Variants in GADL1 observed in about 807,000 individuals in gnomAD.
The protein encoded by GADL1 is GAD like acidic amino acid decarboxylase 1, also known as acidic amino acid decarboxylase GADL1.
Under a neutral mutation model 69.5 loss-of-function variants are expected in GADL1, and 71 were observed. The observed-to-expected ratio is 1.02, with a 90% confidence interval of 0.84 to 1.25. GADL1 has a LOEUF of 1.25. GADL1 is among the 50% of genes most tolerant of loss of function. The probability of loss-of-function intolerance (pLI) is 0.00; values close to 1 mark genes in which losing one functional copy is unlikely to be tolerated. For missense variants in GADL1, 737 were observed against 631.8 expected, an observed-to-expected ratio of 1.17 and a Z score of -1.79; for synonymous variants, 254 against 214.4, an observed-to-expected ratio of 1.18 and a Z score of -1.62.
intron 4 of GADL1, among the ~76,000 whole-genome samples, chr3:30,853,369 G>A (rs6799252): frequency 0.042 from 6,345 of 151,270 alleles, 424 homozygotes; most frequent in African/African-American, 0.14. Flanking sequence ...TGATTTTCAT[G>A]AATAGTCAGG....
intron 6 of GADL1, among the ~76,000 whole-genome samples, chr3:30,847,024 A>G (rs189672463): frequency 6.6e-6 from 1 of 152,208 alleles, no homozygotes; most frequent in Non-Finnish European, 1.5e-5. Flanking sequence ...GTGGCAAATC[A>G]TAATTACTGC....
At chr3:30,784,114 C>G (rs541198571) in intron 13 of GADL1, among the ~76,000 whole-genome samples, 62 of 152,294 alleles carry the variant, frequency 4.1e-4, no homozygotes, top group African/African-American at 1.5e-3. Context: ...ACATGCTTAG[C>G]TATCCACCAC....
chr3:30,797,670 G>GTTTTTTTT (rs140124139), intron 12 of GADL1: 2 of 147,854 alleles, frequency 1.4e-5, no homozygotes, highest in African/African-American at 5.1e-5. Context: ...TTTTGTTTTT[G>GTTTTTTTT]TTTTTTTTTT....
At chr3:30,802,283 T>C (rs1355074403) in intron 11 of GADL1, among the ~76,000 whole-genome samples, 1 of 152,198 alleles carries the variant, frequency 6.6e-6, no homozygotes, top group Non-Finnish European at 1.5e-5. Flanking sequence ...GGAGCAGGAA[T>C]CATTTCCTAT....
chr3:30,862,013 T>C (rs1322256684), intron 1 of GADL1, among the ~76,000 whole-genome samples: 5 of 151,976 alleles, frequency 3.3e-5, no homozygotes, highest in Non-Finnish European at 5.9e-5. Context: ...TGTCACTCTG[T>C]ACTGGGCTGA....
At chr3:30,763,508 G>GGGGGCT (rs1430321518) in intron 14 of GADL1, among the ~76,000 whole-genome samples, 1 of 93,260 alleles carries the variant, frequency 1.1e-5, no homozygotes, top group African/African-American at 4.5e-5. Flanking sequence ...TCTCGGCGGC[G>GGGGGCT]GGGGGTGGGG....
chr3:30,859,733 G>A (rs567427859), intron 2 of GADL1, among the ~76,000 whole-genome samples: 1 of 151,894 alleles, frequency 6.6e-6, no homozygotes, highest in Non-Finnish European at 1.5e-5. Context: ...ACTGCACCAA[G>A]CTTGGGTATA....
intron 11 of GADL1, among the ~76,000 whole-genome samples, chr3:30,818,028 G>A (rs1336352172): frequency 6.6e-6 from 1 of 152,116 alleles, no homozygotes; most frequent in Non-Finnish European, 1.5e-5. Context: ...AATTGCCACA[G>A]CAAGACATGG....
At chr3:30,813,042 C>T (rs73063008) in intron 11 of GADL1, among the ~76,000 whole-genome samples, 21,333 of 151,848 alleles carry the variant, frequency 0.14, 1,682 homozygotes, top group East Asian at 0.29. Flanking sequence ...CATGAGAAGG[C>T]ACATGAGAAG....
At chr3:30,761,561 C>G (rs1696134855) in intron 14 of GADL1, among the ~76,000 whole-genome samples, 1 of 152,150 alleles carries the variant, frequency 6.6e-6, no homozygotes, top group African/African-American at 2.4e-5. Context: ...AAGCTTCCTT[C>G]CCTGAATCTG....
chr3:30,753,743 T>C (rs1046679382), intron 14 of GADL1, among the ~76,000 whole-genome samples: 3 of 148,178 alleles, frequency 2.0e-5, no homozygotes, highest in African/African-American at 8.0e-5. Context: ...GAAAACTTAA[T>C]TTGCTTTTTA....
At chr3:30,811,883 G>A (rs1575216499) in intron 11 of GADL1, among the ~76,000 whole-genome samples, 1 of 152,200 alleles carries the variant, frequency 6.6e-6, no homozygotes, top group Admixed American at 6.5e-5. Context: ...TAAGGGCAGT[G>A]TTATTGTTTA....
intron 11 of GADL1, 128 bp downstream of exon 11, chr3:30,833,725 C>T (rs1035803278): frequency 6.1e-6 from 4 of 655,710 alleles, no homozygotes; most frequent in Non-Finnish European, 1.1e-5. Context: ...AGACCATCAA[C>T]ACATTTCCCA....
chr3:30,877,431 T>C (rs1255147199), intron 1 of GADL1, among the ~76,000 whole-genome samples: 2 of 151,920 alleles, frequency 1.3e-5, no homozygotes, highest in Non-Finnish European at 2.9e-5. Context: ...GGCCACTGAC[T>C]AATATTAGGG....
At chr3:30,764,532 GTTA>G (rs1289805956) in intron 14 of GADL1, among the ~76,000 whole-genome samples, 1 of 152,110 alleles carries the variant, frequency 6.6e-6, no homozygotes, top group Non-Finnish European at 1.5e-5. Flanking sequence ...TTGGTCCCTT[GTTA>G]TTTTTCTAAG....
intron 1 of GADL1, among the ~76,000 whole-genome samples, chr3:30,872,901 T>C (rs1462047788): frequency 6.6e-6 from 1 of 151,958 alleles, no homozygotes; most frequent in Non-Finnish European, 1.5e-5. Context: ...CCTTACTAAG[T>C]ATACTCTCTT....
chr3:30,883,186 G>A (rs1182096592), intron 1 of GADL1, among the ~76,000 whole-genome samples: 1 of 151,804 alleles, frequency 6.6e-6, no homozygotes, highest in African/African-American at 2.4e-5. Context: ...TGCTTTTGTT[G>A]CCTGTGCTTT....
intron 14 of GADL1, among the ~76,000 whole-genome samples, chr3:30,767,325 T>G (rs1302820134): frequency 6.6e-6 from 1 of 152,174 alleles, no homozygotes; most frequent in Non-Finnish European, 1.5e-5. Flanking sequence ...AATGCTATTT[T>G]ACAAAAGATC....
chr3:30,729,934 A>G (rs928576718), intron 14 of GADL1, among the ~76,000 whole-genome samples: 1 of 152,232 alleles, frequency 6.6e-6, no homozygotes, highest in African/African-American at 2.4e-5. Flanking sequence ...TTATCACAAG[A>G]TATGAAAAGA....
Sources: gnomAD v4.1 joint callset for allele counts (sites outside exome capture counted in the v4.1 genomes callset) on GRCh38, gnomAD v4.1.1 for gene constraint, MANE v1.5 for transcripts, NCBI Gene and HGNC (gene_info 2026-07-23, HGNC 2026-07-21) for gene names.